The following TENM4 variants were observed in gnomAD, a reference collection of about 807,000 sequenced individuals.
TENM4 encodes teneurin-4.
A neutral mutation model predicts 243.3 loss-of-function variants in TENM4; 82 were observed. The ratio of observed to expected loss-of-function variants is 0.34; its 90% CI spans 0.28 to 0.40. The LOEUF (loss-of-function observed/expected upper bound fraction) is 0.40, where lower values mean the gene tolerates loss of function less well. TENM4 is among the 10% of genes least tolerant of loss of function. TENM4 has a pLI of 1.00. For missense variants in TENM4, 3,138 were observed against 3,673.3 expected (o/e 0.85, Z 3.77); for synonymous variants, 1,412 against 1,456.3 (o/e 0.97, Z 0.69).
chr11:79,413,410 C>T (rs937073564), intron 1 of TENM4, among the ~76,000 whole-genome samples: 1 of 152,198 alleles, frequency 6.6e-6, no homozygotes, highest in East Asian at 1.9e-4. Context: ...GGCAGCTCTG[C>T]CTTTCCCTTT....
chr11:79,436,638 A>ACTAT (rs1859277270), intron 1 of TENM4, among the ~76,000 whole-genome samples: 1 of 152,146 alleles, frequency 6.6e-6, no homozygotes, highest in Non-Finnish European at 1.5e-5. Context: ...TCACTATAGA[A>ACTAT]CTATCCTTTG....
At chr11:78,804,171 T>C (rs934722529) in intron 15 of TENM4, among the ~76,000 whole-genome samples, 2 of 152,248 alleles carry the variant, frequency 1.3e-5, no homozygotes, top group African/African-American at 4.8e-5. Context: ...TAAAAAAGCA[T>C]AGCTGGAGAT....
intron 29 of TENM4, among the ~76,000 whole-genome samples, chr11:78,677,032 A>G (rs558960926): frequency 6.6e-6 from 1 of 152,316 alleles, no homozygotes; most frequent in South Asian, 2.1e-4. Context: ...CTTTGCGGTG[A>G]TAAACATGTT....
Position 79,383,508 on chromosome 11 carries a change from G to A in TENM4, c.-321+57001C>T, listed in dbSNP as rs144672951. Among the ~76,000 whole-genome samples the A allele has an allele frequency of 1.8e-4, 27 of 152,282 alleles. No individual in the cohort carries two copies. The East Asian group carries it at 5.0e-3, about 28-fold the overall frequency. Reference sequence around the variant, plus strand: ...ATCTGACAAGAAGCAAATCAGGAAGGGAGCTGCGATATTTCAGGCCCATGG... The same window carrying A: ...ATCTGACAAGAAGCAAATCAGGAAGAGAGCTGCGATATTTCAGGCCCATGG... On this transcript the variant is annotated intron_variant, in intron 1 of 33. Transcript: ENST00000278550.
chr11:79,371,136 G>C (rs1190844903), intron 1 of TENM4, among the ~76,000 whole-genome samples: 1 of 152,226 alleles, frequency 6.6e-6, no homozygotes, highest in Non-Finnish European at 1.5e-5. Context: ...CAAAAATAGA[G>C]AGCTCTGTCT....
chr11:79,263,961 T>C (rs73510667), intron 2 of TENM4, among the ~76,000 whole-genome samples: 2,281 of 152,296 alleles, frequency 0.015, 64 homozygotes, highest in African/African-American at 0.052. Context: ...CAACATTTGG[T>C]TTAAAAATAA....
chr11:79,389,902 C>T (rs957541236), intron 1 of TENM4, among the ~76,000 whole-genome samples: 2 of 152,168 alleles, frequency 1.3e-5, no homozygotes, highest in Non-Finnish European at 2.9e-5. Context: ...GATTGTAAAG[C>T]CTAAAATATT....
At chr11:79,405,816 C>G (rs1375110720) in intron 1 of TENM4, among the ~76,000 whole-genome samples, 5 of 146,486 alleles carry the variant, frequency 3.4e-5, no homozygotes, top group African/African-American at 1.3e-4. Flanking sequence ...ACATTTTTGT[C>G]CATCTAATTT....
intron 3 of TENM4, among the ~76,000 whole-genome samples, chr11:79,178,172 T>C (rs571977113): frequency 9.2e-5 from 14 of 152,198 alleles, no homozygotes; most frequent in African/African-American, 2.9e-4. Flanking sequence ...GTGTTTTGCT[T>C]GAGTGAAGCA....
chr11:78,778,462 A>T, intron 17 of TENM4, 140 bp downstream of exon 17: 1 of 922,834 alleles, frequency 1.1e-6, no homozygotes, highest in Non-Finnish European at 1.6e-6. Context: ...GGATGCTGCG[A>T]CAAAACTGGG....
chr11:79,019,537 T>C (rs1265962554), intron 6 of TENM4, among the ~76,000 whole-genome samples: 1 of 152,250 alleles, frequency 6.6e-6, no homozygotes, highest in Non-Finnish European at 1.5e-5. Flanking sequence ...ATGTCATATC[T>C]TCCAGAAAGC....
At chr11:79,396,127 C>A (rs899782335) in intron 1 of TENM4, among the ~76,000 whole-genome samples, 1 of 152,176 alleles carries the variant, frequency 6.6e-6, no homozygotes, top group Non-Finnish European at 1.5e-5. Flanking sequence ...ATGGCCAACA[C>A]ATTTTTAAGA....
chr11:79,318,622 T>C (rs1856839852), intron 1 of TENM4, among the ~76,000 whole-genome samples: 1 of 152,206 alleles, frequency 6.6e-6, no homozygotes. Flanking sequence ...TTCCACCTAT[T>C]TACCTGTTTT....
At position 79,384,685 on chromosome 11, in the gene TENM4, G is replaced by A. The variant is rs1047011507; in HGVS notation, c.-321+55824C>T. Among the ~76,000 whole-genome samples the A allele has an allele frequency of 3.3e-5, 5 of 152,094 alleles. No individual in the cohort carries two copies. The South Asian group carries it at 8.3e-4, about 25-fold the overall frequency. ...TCACGCCTGTAATCCCAGCACTTTG[G>A]GAGGCTGAGGTGGGCAAATCACTTG... On this transcript the variant is annotated intron_variant, in intron 1 of 33. Coordinates refer to ENST00000278550, the MANE Select transcript of TENM4 (RefSeq NM_001098816.3).
intron 6 of TENM4, among the ~76,000 whole-genome samples, chr11:79,034,587 A>T (rs544344514): frequency 0.1 from 15,444 of 151,708 alleles, 2,184 homozygotes; most frequent in African/African-American, 0.32. Context: ...TAATTAAAAA[A>T]AATTTTTTTT....
intron 2 of TENM4, among the ~76,000 whole-genome samples, chr11:79,252,526 T>C (rs1187099538): frequency 6.6e-6 from 1 of 152,192 alleles, no homozygotes; most frequent in Non-Finnish European, 1.5e-5. Flanking sequence ...CGTGAGCCAC[T>C]GCGCCTGGCT....
At position 78,657,420 on chromosome 11, in the gene TENM4, G is replaced by C; in HGVS notation, c.*638C>G. 1 of 383,450 alleles carries C rather than the reference G, an allele frequency of 2.6e-6. No individual in the cohort carries two copies. The highest frequency in any genetic ancestry group is 3.7e-5 in the East Asian group (1 of 26,946). 23.8% of individuals were successfully genotyped at this position (383,450 alleles called of 1,614,324 possible). On this transcript the variant is annotated 3_prime_UTR_variant, in exon 34 of 34. Coordinates refer to ENST00000278550, the MANE Select transcript of TENM4 (RefSeq NM_001098816.3). ...AATAGAAAGCTTGAACAGGAGTTTG[G>C]GGCAGCTTAAAAAAGGTGCTGAACA...
At chr11:79,431,085 T>C (rs962381565) in intron 1 of TENM4, among the ~76,000 whole-genome samples, 2 of 152,156 alleles carry the variant, frequency 1.3e-5, no homozygotes, top group African/African-American at 4.8e-5. Flanking sequence ...ACACAAAACT[T>C]AATAAAGAAA....
intron 3 of TENM4, among the ~76,000 whole-genome samples, chr11:79,166,609 T>C (rs939690182): frequency 2.0e-5 from 3 of 152,184 alleles, no homozygotes; most frequent in Non-Finnish European, 4.4e-5. Flanking sequence ...TGTTATTTGC[T>C]TCATTTAATT....
Sources: gnomAD v4.1 joint callset for allele counts (sites outside exome capture counted in the v4.1 genomes callset) on GRCh38, gnomAD v4.1.1 for gene constraint, MANE v1.5 for transcripts, NCBI Gene and HGNC (gene_info 2026-07-23, HGNC 2026-07-21) for gene names.